SKAP2: variants seen among roughly 807,000 people sequenced by gnomAD.
SKAP2 encodes the protein src kinase associated phosphoprotein 2.
A neutral mutation model predicts 54.9 loss-of-function variants in SKAP2; 28 were observed. The observed-to-expected ratio is 0.51, with a 90% CI of 0.38 to 0.70. SKAP2 has a LOEUF of 0.70. Among genes scored for constraint, SKAP2 ranks in the 30% least tolerant of loss-of-function variants. SKAP2 has a pLI of 0.00. For synonymous variants in SKAP2, 137 were observed against 134.3 expected (o/e 1.02, Z -0.14); for missense variants, 356 against 424.1 (o/e 0.84, Z 1.41).
At chr7:26,852,018 G>A (rs1024110640) in intron 3 of SKAP2, among the ~76,000 whole-genome samples, 1 of 152,118 alleles carries the variant, frequency 6.6e-6, no homozygotes, top group African/African-American at 2.4e-5. Flanking sequence ...AAATAAGGGT[G>A]TAAAGGTAGA....
chr7:26,850,341 G>A (rs1008022402), intron 3 of SKAP2, among the ~76,000 whole-genome samples: 6 of 152,052 alleles, frequency 3.9e-5, no homozygotes, highest in African/African-American at 1.4e-4. Context: ...AGCACTTTGG[G>A]AGGCCAAGGC....
chr7:26,706,225 G>C (rs1277392716), intron 9 of SKAP2, among the ~76,000 whole-genome samples: 3 of 151,938 alleles, frequency 2.0e-5, no homozygotes, highest in East Asian at 3.9e-4. Context: ...TTATTAGTTT[G>C]AATAAAATGA....
intron 4 of SKAP2, among the ~76,000 whole-genome samples, chr7:26,805,427 G>T (rs557046469): frequency 6.6e-6 from 1 of 152,186 alleles, no homozygotes; most frequent in South Asian, 2.1e-4. Context: ...CTTGAATGGG[G>T]GTCAACTTCA....
chr7:26,769,026 T>A (rs1404152264), intron 4 of SKAP2, among the ~76,000 whole-genome samples: 1 of 152,226 alleles, frequency 6.6e-6, no homozygotes, highest in Non-Finnish European at 1.5e-5. Context: ...GGGGAAGTTC[T>A]CCTGGATAAT....
At chr7:26,844,172 T>C in intron 3 of SKAP2, 35 bp from the exon 4 acceptor site, 1 of 1,265,668 alleles carries the variant, frequency 7.9e-7, no homozygotes, top group Non-Finnish European at 1.1e-6. Flanking sequence ...GAACTGCCTT[T>C]TATACTTTAG....
chr7:26,731,720 T>C (rs1477222458), intron 6 of SKAP2, among the ~76,000 whole-genome samples: 1 of 152,178 alleles, frequency 6.6e-6, no homozygotes, highest in African/African-American at 2.4e-5. Context: ...ATATTTCTTG[T>C]TGTATCCCCC....
intron 4 of SKAP2, among the ~76,000 whole-genome samples, chr7:26,805,616 C>T (rs1784010232): frequency 6.6e-6 from 1 of 152,154 alleles, no homozygotes; most frequent in Admixed American, 6.5e-5. Flanking sequence ...ACCAAGGCCT[C>T]CTGACAACAG....
At chr7:26,675,103 T>A (rs1243414740) in intron 11 of SKAP2, among the ~76,000 whole-genome samples, 1 of 152,198 alleles carries the variant, frequency 6.6e-6, no homozygotes, top group Non-Finnish European at 1.5e-5. Context: ...TTGCCCTGGA[T>A]TACTGCATTA....
downstream of SKAP2, among the ~76,000 whole-genome samples, chr7:26,665,405 T>C (rs1584318631): frequency 1.3e-5 from 2 of 152,194 alleles, no homozygotes; most frequent in East Asian, 1.9e-4. Context: ...TACTTGTTGA[T>C]AGTATTATGG....
intron 4 of SKAP2, among the ~76,000 whole-genome samples, chr7:26,741,051 A>G (rs1053579644): frequency 1.3e-5 from 2 of 152,234 alleles, no homozygotes; most frequent in Non-Finnish European, 2.9e-5. Flanking sequence ...AGCAAGTGAA[A>G]ACAACCAATC....
chr7:26,678,442 CTTT>C (rs931425488), intron 11 of SKAP2, among the ~76,000 whole-genome samples: 7 of 133,812 alleles, frequency 5.2e-5, no homozygotes, highest in Admixed American at 1.5e-4. Flanking sequence ...ACTGGTTGTT[CTTT>C]TTTTTTTTTT....
rs71823311 is a variant in SKAP2, at chr7:26,815,107, C to CT, written c.307+28922dup. 1.4e-3 allele frequency among the ~76,000 whole-genome samples: 203 copies of CT among 146,650 alleles called. 1 individual carries two copies. The highest frequency in any genetic ancestry group is 3.7e-3 in the Middle Eastern group (1 of 270). ...AAACACAAGATAATATACAAATGGTCTTTTTTTTTTTAAGGGGATAAAGTA... is the reference window on the plus strand; with the variant it reads ...AAACACAAGATAATATACAAATGGTCTTTTTTTTTTTTAAGGGGATAAAGTA... On this transcript the variant is annotated intron_variant, in intron 4 of 12. Coordinates refer to ENST00000345317, the MANE Select transcript of SKAP2 (RefSeq NM_003930.5).
intron 9 of SKAP2, among the ~76,000 whole-genome samples, chr7:26,712,276 C>A (rs1787327687): frequency 1.3e-5 from 2 of 152,064 alleles, no homozygotes; most frequent in African/African-American, 4.8e-5. Flanking sequence ...GATTTTGGAA[C>A]ATTTCAGATT....
intron 4 of SKAP2, among the ~76,000 whole-genome samples, chr7:26,767,316 C>T (rs1472787876): frequency 6.6e-6 from 1 of 152,092 alleles, no homozygotes; most frequent in African/African-American, 2.4e-5. Flanking sequence ...GTGGTGATCG[C>T]CCCATTATCA....
At chr7:26,774,657 C>A (rs1323475827) in intron 4 of SKAP2, among the ~76,000 whole-genome samples, 2 of 152,088 alleles carry the variant, frequency 1.3e-5, no homozygotes, top group African/African-American at 2.4e-5. Flanking sequence ...ATCATGCCAC[C>A]ACTTCTTTTG....
intron 4 of SKAP2, among the ~76,000 whole-genome samples, chr7:26,823,624 C>G (rs1282455425): frequency 4.6e-5 from 7 of 152,044 alleles, no homozygotes; most frequent in Non-Finnish European, 1.0e-4. Flanking sequence ...AAGTTAGAAT[C>G]TAGCAGAGGT....
chr7:26,815,625 G>A (rs1035618883), intron 4 of SKAP2, among the ~76,000 whole-genome samples: 5 of 152,052 alleles, frequency 3.3e-5, no homozygotes, highest in Non-Finnish European at 5.9e-5. Context: ...TTGGCAGTTC[G>A]ACCCTGTGAT....
rs147598785 is a variant in SKAP2, at chr7:26,679,460, T to G, written c.987+5276A>C. Among the ~76,000 whole-genome samples the G allele has an allele frequency of 1.7e-3, 253 of 152,318 alleles. 1 individual carries two copies. Among genetic ancestry groups the G allele is most frequent in the African/African-American group, 5.9e-3 (244 of 41,560 alleles). On this transcript the variant is annotated intron_variant, in intron 11 of 12. Transcript: ENST00000345317. ...GGCCTGGTTAATGCTTCCAGTGTAC[T>G]CTAGACCATACATCCATACTGACAG... is the stretch of plus-strand genomic sequence containing the variant.
chr7:26,726,086 A>T (rs1231015416), intron 7 of SKAP2, 100 bp from the exon 8 acceptor site: 1 of 740,500 alleles, frequency 1.4e-6, no homozygotes, highest in African/African-American at 1.8e-5. Context: ...AATTCTTTTC[A>T]TGTCTAGTGG....
Sources: gnomAD v4.1 joint callset for allele counts (sites outside exome capture counted in the v4.1 genomes callset) on GRCh38, gnomAD v4.1.1 for gene constraint, MANE v1.5 for transcripts, NCBI Gene and HGNC (gene_info 2026-07-23, HGNC 2026-07-21) for gene names.